Variants in TTC7B observed in about 807,000 individuals in gnomAD.
The protein encoded by TTC7B is tetratricopeptide repeat protein 7B.
TTC7B carries 28 observed loss-of-function variants against 106.8 expected under a neutral mutation model. The observed-to-expected ratio is 0.26, with a 90% CI of 0.19 to 0.36. The LOEUF (loss-of-function observed/expected upper bound fraction) is 0.36. Ranked by LOEUF, TTC7B falls within the 10% of genes least tolerant of loss-of-function variation. The pLI, the probability that TTC7B is intolerant of heterozygous loss-of-function variation, is 1.00. For synonymous variants in TTC7B, 405 were observed against 430.6 expected (o/e 0.94, Z 0.74); for missense variants, 862 against 1,076.4 (o/e 0.80, Z 2.79).
At position 90,540,709 on chromosome 14, in the gene TTC7B, A is replaced by T. The variant is rs1409628602; in HGVS notation, c.*659T>A. ...TCTTTGTACATATTTCCCTCGATAAATAAACTCTGAATTCACATAAAAAAG... is the reference window on the plus strand; with the variant it reads ...TCTTTGTACATATTTCCCTCGATAATTAAACTCTGAATTCACATAAAAAAG... On this transcript the variant is annotated 3_prime_UTR_variant, in exon 20 of 20. Coordinates refer to ENST00000328459, the MANE Select transcript of TTC7B (RefSeq NM_001010854.2). 3.9e-5 allele frequency: 6 copies of T among 153,802 alleles called. No individual in the cohort carries two copies. Among genetic ancestry groups the T allele is most frequent in the Non-Finnish European group, 8.8e-5 (6 of 68,054 alleles). 9.5% of individuals were successfully genotyped at this position (153,802 alleles called of 1,614,324 possible).
chr14:90,541,210 ATG>A lies in TTC7B; in HGVS notation c.*156_*157del. The A allele has an allele frequency of 1.8e-6, 1 of 556,132 alleles. No homozygotes were observed. The highest frequency in any genetic ancestry group is 3.5e-5 in the Admixed American group (1 of 28,704). The allele number at this position is 556,132 out of a possible 1,614,324, so 34.4% of individuals were successfully genotyped here. On this transcript the variant is annotated 3_prime_UTR_variant, in exon 20 of 20. Transcript: ENST00000328459. ...AAGAGAAACGCACATGGCGAGAGCG[ATG>A]ATTCGGGGTTGGTTTGGTTGGTTCA...
rs139852910 is a variant in TTC7B at position 90,681,656 on chromosome 14, G to A, written c.951-1121C>T. ...CTGGAGGTAAGGAAGCCACCTGCAG[G>A]ATGGTTTCTATCATTCTTCTGAGGC... On this transcript the variant is annotated intron_variant, in intron 7 of 19. Coordinates refer to ENST00000328459, the MANE Select transcript of TTC7B (RefSeq NM_001010854.2). Among the ~76,000 whole-genome samples, 20 of 152,318 alleles carry A rather than the reference G, an allele frequency of 1.3e-4. 1 individual carries two copies. In the East Asian group the frequency reaches 2.7e-3, roughly 21 times the overall value.
At chr14:90,720,133 G>A (rs1380284582) in intron 5 of TTC7B, among the ~76,000 whole-genome samples, 3 of 151,404 alleles carry the variant, frequency 2.0e-5, no homozygotes, top group South Asian at 2.1e-4. Context: ...AAGACTGGAC[G>A]CCCCTGACTA....
chr14:90,806,829 C>G (rs533611650), intron 1 of TTC7B, among the ~76,000 whole-genome samples: 1 of 152,236 alleles, frequency 6.6e-6, no homozygotes, highest in Non-Finnish European at 1.5e-5. Context: ...ATTGCTTGAG[C>G]CTGCGAGGTT....
intron 1 of TTC7B, among the ~76,000 whole-genome samples, chr14:90,814,840 C>G (rs547615215): frequency 3.3e-5 from 5 of 152,314 alleles, no homozygotes; most frequent in African/African-American, 1.2e-4. Context: ...ACATTTTCCA[C>G]CAAGTGGAGC....
At chr14:90,769,173 C>A (rs1345419403) in intron 3 of TTC7B, among the ~76,000 whole-genome samples, 2 of 151,382 alleles carry the variant, frequency 1.3e-5, no homozygotes, top group African/African-American at 4.9e-5. Flanking sequence ...AAATAGCTAG[C>A]AAATATACAC....
chr14:90,799,935 T>C (rs1000218985), intron 1 of TTC7B, among the ~76,000 whole-genome samples: 3 of 152,078 alleles, frequency 2.0e-5, no homozygotes, highest in Non-Finnish European at 2.9e-5. Context: ...GGTCATGCCA[T>C]TCTCCTGCCT....
In TTC7B at chr14:90,525,809, A is replaced by G. The variant is rs1408745031; in HGVS notation, c.*15559T>C. ...GAGTACACCGGCCTCTGGCTTTGTG[A>G]CAAGCACGTCACTGTTAGGCTAAGC... On this transcript the variant is annotated 3_prime_UTR_variant, in exon 20 of 20. Coordinates refer to ENST00000328459, the MANE Select transcript of TTC7B (RefSeq NM_001010854.2). 2 of 147,314 alleles carry G rather than the reference A, an allele frequency of 1.4e-5. No individual in the cohort carries two copies. Among genetic ancestry groups the G allele is most frequent in the African/African-American group, 5.0e-5 (2 of 39,782 alleles). The allele number at this position is 147,314 out of a possible 1,614,324, so 9.1% of individuals were successfully genotyped here.
intron 3 of TTC7B, among the ~76,000 whole-genome samples, chr14:90,776,606 T>C (rs1342993981): frequency 6.6e-6 from 1 of 152,068 alleles, no homozygotes; most frequent in African/African-American, 2.4e-5. Flanking sequence ...AGGTGAGGCA[T>C]TAAGGTAGAG....
In TTC7B at chr14:90,798,681, G is replaced by C. The variant is rs2030031876; in HGVS notation, c.122-12353C>G. Among the ~76,000 whole-genome samples, 3 of 141,208 alleles carry C rather than the reference G, an allele frequency of 2.1e-5. 1 individual carries two copies. The South Asian group carries it at 6.9e-4, about 32-fold the overall frequency. 92.6% of individuals were successfully genotyped at this position (141,208 alleles called of 152,430 possible). ...GCTGAGATCGTGCCACTACACTCCA[G>C]TCTGGGCGACAGAGTGAGACTCCAT... is the stretch of plus-strand genomic sequence containing the variant. On this transcript the variant is annotated intron_variant, in intron 1 of 19. Coordinates refer to ENST00000328459, the MANE Select transcript of TTC7B (RefSeq NM_001010854.2).
intron 1 of TTC7B, among the ~76,000 whole-genome samples, chr14:90,793,092 AGTG>A (rs543130219): frequency 1.1e-3 from 167 of 152,128 alleles, no homozygotes; most frequent in African/African-American, 3.5e-3. Flanking sequence ...TGGTTTTATA[AGTG>A]GTGATTTCCC....
chr14:90,644,887 G>A (rs1295407282), intron 14 of TTC7B: 1 of 152,218 alleles, frequency 6.6e-6, no homozygotes, highest in Non-Finnish European at 1.5e-5. Context: ...AAGCAGATGT[G>A]TCCAAATTCA....
intron 14 of TTC7B, 33 bp downstream of exon 14, chr14:90,646,918 G>A (rs376060832): frequency 6.2e-5 from 97 of 1,573,894 alleles, no homozygotes; most frequent in Non-Finnish European, 8.0e-5. Flanking sequence ...GATACAGAGT[G>A]CAGCAAGTAT....
chr14:90,579,535 T>C (rs1021012126), intron 18 of TTC7B, among the ~76,000 whole-genome samples: 1 of 152,256 alleles, frequency 6.6e-6, no homozygotes, highest in African/African-American at 2.4e-5. Context: ...CGGTGGCTTG[T>C]GCCTGTAATC....
At chr14:90,775,556 C>T (rs190167540) in intron 3 of TTC7B, among the ~76,000 whole-genome samples, 16 of 152,122 alleles carry the variant, frequency 1.1e-4, no homozygotes, top group Admixed American at 8.5e-4. Flanking sequence ...CTCTGTAAAC[C>T]GCCCGACATG....
intron 15 of TTC7B, among the ~76,000 whole-genome samples, chr14:90,630,842 T>G (rs1391350284): frequency 1.3e-5 from 2 of 151,624 alleles, no homozygotes; most frequent in African/African-American, 2.4e-5. Flanking sequence ...TTTTTTGTTT[T>G]TTTTTTTTTT....
chr14:90,797,789 A>C (rs1453555704), intron 1 of TTC7B, among the ~76,000 whole-genome samples: 1 of 152,224 alleles, frequency 6.6e-6, no homozygotes, highest in Non-Finnish European at 1.5e-5. Context: ...ATACAGCCCT[A>C]CTGGTCATAG....
chr14:90,529,736 A>T lies in TTC7B; in HGVS notation c.*11632T>A, dbSNP rs1281551628. On this transcript the variant is annotated 3_prime_UTR_variant, in exon 20 of 20. Coordinates refer to ENST00000328459, the MANE Select transcript of TTC7B (RefSeq NM_001010854.2). ...TTAATACATGTCGAATGATTGGTGC[A>T]TAATAAATGCTCAATAATTGTGAGC... 1 of 152,250 alleles carries T rather than the reference A, an allele frequency of 6.6e-6. No homozygotes were observed. 9.4% of individuals were successfully genotyped at this position (152,250 alleles called of 1,614,324 possible).
In TTC7B at chr14:90,752,296, T is replaced by C. The variant is rs948780999; in HGVS notation, c.446-7374A>G. Among the ~76,000 whole-genome samples the C allele has an allele frequency of 3.9e-5, 6 of 152,220 alleles. No homozygotes were observed. The South Asian group carries it at 6.2e-4, about 16-fold the overall frequency. ...ACTTTGGGAGGCCAAGGTGGGAGCA[T>C]TGCTTGAGCCCAAGAGTTCGAGACC... On this transcript the variant is annotated intron_variant, in intron 3 of 19. Coordinates refer to ENST00000328459, the MANE Select transcript of TTC7B (RefSeq NM_001010854.2).
Sources: gnomAD v4.1 joint callset for allele counts (sites outside exome capture counted in the v4.1 genomes callset) on GRCh38, gnomAD v4.1.1 for gene constraint, MANE v1.5 for transcripts, NCBI Gene and HGNC (gene_info 2026-07-23, HGNC 2026-07-21) for gene names.